Variants in TMEM144 observed in about 807,000 individuals in gnomAD.
TMEM144 encodes transmembrane protein 144.
TMEM144 carries 39 observed loss-of-function variants against 43.6 expected under a neutral mutation model. The observed-to-expected ratio is 0.90, with a 90% CI of 0.69 to 1.17. The LOEUF is 1.17. TMEM144 is among the 50% of genes most tolerant of loss of function. TMEM144 has a pLI of 0.00. For synonymous variants in TMEM144, 154 were observed against 133.6 expected (o/e 1.15, Z -1.06); for missense variants, 417 against 411.9 (o/e 1.01, Z -0.11).
At chr4:158,233,436 G>C (rs1424741663) in intron 7 of TMEM144, 1 of 152,346 alleles carries the variant, frequency 6.6e-6, no homozygotes, top group African/African-American at 2.4e-5. Context: ...GTGAAAAACA[G>C]AAAATATGAT....
intron 2 of TMEM144, 129 bp from the exon 3 acceptor site, chr4:158,212,478 AG>A (rs1579096621): frequency 3.0e-5 from 14 of 460,676 alleles, no homozygotes; most frequent in Non-Finnish European, 4.2e-5. Flanking sequence ...CATTATATAT[AG>A]TTGTGTAATA....
At chr4:158,224,987 C>G (rs959273812) in intron 6 of TMEM144, among the ~76,000 whole-genome samples, 1 of 152,132 alleles carries the variant, frequency 6.6e-6, no homozygotes. Context: ...GTGTTGTAAA[C>G]TTCAATGGTT....
intron 1 of TMEM144, 26 bp downstream of exon 1, chr4:158,210,612 C>A (rs564451087): frequency 6.6e-6 from 1 of 152,328 alleles, no homozygotes; most frequent in South Asian, 2.1e-4. Context: ...CAAAGGAAAG[C>A]CAAGTCGCTT....
At chr4:158,236,785 C>A (rs946894371) in intron 8 of TMEM144, among the ~76,000 whole-genome samples, 3 of 151,748 alleles carry the variant, frequency 2.0e-5, no homozygotes, top group African/African-American at 7.3e-5. Context: ...CCACGCCTGG[C>A]CTGTTTTCTG....
At chr4:158,242,431 G>T (rs1389218865) in intron 11 of TMEM144, among the ~76,000 whole-genome samples, 1 of 152,052 alleles carries the variant, frequency 6.6e-6, no homozygotes, top group African/African-American at 2.4e-5. Flanking sequence ...TTTTTTGGTA[G>T]GGCTAGATTT....
chr4:158,224,199 A>G (rs916713832), intron 6 of TMEM144, among the ~76,000 whole-genome samples: 5 of 152,102 alleles, frequency 3.3e-5, no homozygotes, highest in South Asian at 2.1e-4. Flanking sequence ...TGGTCATGCA[A>G]ATGTCTTCTT....
rs1733956985 is a variant in TMEM144, at chr4:158,211,493, C to G, written c.-142C>G. ...TCAAGACACTTCCTGCATCTCTGAC[C>G]TGTTGCACCTCTGTTATCTTGGCAC... On this transcript the variant is annotated 5_prime_UTR_variant, in exon 2 of 13. Transcript: ENST00000296529. 6.6e-6 allele frequency: 1 copy of G among 152,236 alleles called. No homozygotes were observed. The highest frequency in any genetic ancestry group is 2.4e-5 in the African/African-American group (1 of 41,456). 9.4% of individuals were successfully genotyped at this position (152,236 alleles called of 1,614,324 possible). A position where few individuals can be genotyped will look rare whatever the true frequency, so the allele number is the denominator to read the frequency against.
At position 158,232,881 on chromosome 4, in the gene TMEM144, A is replaced by G; in HGVS notation, c.414-20A>G. The G allele has an allele frequency of 6.4e-7, 1 of 1,560,346 alleles. No homozygotes were observed. The highest frequency in any genetic ancestry group is 1.1e-5 in the South Asian group (1 of 87,478). On this transcript the variant is annotated intron_variant, in intron 6 of 12. Coordinates refer to ENST00000296529, the MANE Select transcript of TMEM144 (RefSeq NM_018342.5). ...AACCAGTATTATGATAAATATCACTAAAATTTATTTTCCTTACAGTGCTTT... is the reference window on the plus strand; with the variant it reads ...AACCAGTATTATGATAAATATCACTGAAATTTATTTTCCTTACAGTGCTTT...
chr4:158,229,718 G>T (rs1734971145), intron 6 of TMEM144, among the ~76,000 whole-genome samples: 1 of 152,120 alleles, frequency 6.6e-6, no homozygotes, highest in Non-Finnish European at 1.5e-5. Context: ...CTGCAGGGAG[G>T]CCCCGCCCAG....
At position 158,212,685 on chromosome 4, in the gene TMEM144, A is replaced by G. The variant is rs772646279; in HGVS notation, c.18A>G (p.Ala6=). ...CTGGAATCATGAGCAACAATGGAGCAGACCTAACCTTTGGTTACATCTCCT... is the reference window on the plus strand; with the variant it reads ...CTGGAATCATGAGCAACAATGGAGCGGACCTAACCTTTGGTTACATCTCCT... MSNNG[A]DLTFGYISCF... Residue 6 remains alanine, a synonymous_variant, in exon 3 of 13, where the codon GCA becomes GCG. Transcript: ENST00000296529. The G allele has an allele frequency of 6.2e-7, 1 of 1,612,600 alleles. No homozygotes were observed. Among genetic ancestry groups the G allele is most frequent in the Admixed American group, 1.7e-5 (1 of 59,902 alleles).
At chr4:158,220,908 G>A (rs73860310) in intron 6 of TMEM144, among the ~76,000 whole-genome samples, 5 of 152,158 alleles carry the variant, frequency 3.3e-5, no homozygotes, top group African/African-American at 4.8e-5. Context: ...TCTCTGCTAA[G>A]AGGAATTTCT....
At chr4:158,229,450 C>T (rs1042616518) in intron 6 of TMEM144, among the ~76,000 whole-genome samples, 7 of 152,002 alleles carry the variant, frequency 4.6e-5, no homozygotes, top group Admixed American at 4.6e-4. Context: ...CCTGACAAAC[C>T]CTGTTAGAGG....
Position 158,235,422 on chromosome 4 carries a change from C to A in TMEM144, c.496-16C>A. The A allele has an allele frequency of 6.2e-7, 1 of 1,612,366 alleles. No individual in the cohort carries two copies. On this transcript the variant is annotated splice_polypyrimidine_tract_variant and intron_variant, in intron 7 of 12. Coordinates refer to ENST00000296529, the MANE Select transcript of TMEM144 (RefSeq NM_018342.5). ...GAATGTTCTTTTGTTTTAATTTGGGCCAATGTTTTCAATAGGTGATCAACA... is the reference window on the plus strand; with the variant it reads ...GAATGTTCTTTTGTTTTAATTTGGGACAATGTTTTCAATAGGTGATCAACA...
At chr4:158,220,961 G>T (rs936712706) in intron 6 of TMEM144, among the ~76,000 whole-genome samples, 9 of 152,130 alleles carry the variant, frequency 5.9e-5, no homozygotes, top group African/African-American at 1.9e-4. Flanking sequence ...AAATCAGTTT[G>T]TTCTGAAGGG....
intron 6 of TMEM144, among the ~76,000 whole-genome samples, chr4:158,221,670 T>C (rs1410786): frequency 0.99 from 150,494 of 152,322 alleles, 74,375 homozygotes; most frequent in Middle Eastern, 1. Flanking sequence ...AACATGCCTT[T>C]CCTGGAGGGT....
chr4:158,233,169 C>T, intron 7 of TMEM144, 187 bp downstream of exon 7: 1 of 477,446 alleles, frequency 2.1e-6, no homozygotes, highest in Non-Finnish European at 3.8e-6. Flanking sequence ...AGTTGAGCTT[C>T]TCAGCAAGCA....
At chr4:158,219,583 C>A (rs182152912) in intron 6 of TMEM144, among the ~76,000 whole-genome samples, 193 bp downstream of exon 6, 1 of 152,306 alleles carries the variant, frequency 6.6e-6, no homozygotes, top group East Asian at 1.9e-4. Context: ...GCAGCCCCAG[C>A]TTTAGCTCTC....
intron 7 of TMEM144, 174 bp downstream of exon 7, chr4:158,233,156 C>A: frequency 2.1e-6 from 1 of 486,842 alleles, no homozygotes; most frequent in Non-Finnish European, 3.7e-6. Flanking sequence ...TCAATATTTC[C>A]GCAGTTGAGC....
chr4:158,217,152 T>G (rs1026785976), intron 4 of TMEM144, among the ~76,000 whole-genome samples, 169 bp from the exon 5 acceptor site: 16 of 152,186 alleles, frequency 1.1e-4, no homozygotes, highest in African/African-American at 3.9e-4. Flanking sequence ...TACTCATAAA[T>G]TTAATGCCAA....
Sources: allele counts gnomAD v4.1 joint callset (sites outside exome capture counted in the v4.1 genomes callset), GRCh38; gene constraint gnomAD v4.1.1; transcripts MANE v1.5; gene names NCBI Gene and HGNC (gene_info 2026-07-23, HGNC 2026-07-21).